Variants in MTUS2 observed in about 807,000 individuals in gnomAD.
MTUS2 encodes the protein microtubule associated scaffold protein 2.
Under a neutral mutation model 114.1 loss-of-function variants are expected in MTUS2, and 40 were observed. The ratio of observed to expected loss-of-function variants is 0.35; its 90% CI spans 0.27 to 0.46. The LOEUF (loss-of-function observed/expected upper bound fraction) is 0.46. Ranked by LOEUF, MTUS2 falls within the 20% of genes least tolerant of loss-of-function variation. The probability of loss-of-function intolerance (pLI) is 1.00; values close to 1 mark genes in which losing one functional copy is unlikely to be tolerated. For synonymous variants in MTUS2, 688 were observed against 672.0 expected (o/e 1.02, Z -0.37); for missense variants, 1,679 against 1,705.4 (o/e 0.98, Z 0.27).
intron 1 of MTUS2, among the ~76,000 whole-genome samples, chr13:28,833,765 C>T (rs1299380412): frequency 6.6e-6 from 1 of 151,932 alleles, no homozygotes; most frequent in African/African-American, 2.4e-5. Flanking sequence ...TATCTCTTTG[C>T]AGATGACATG....
At chr13:29,401,269 G>T (rs1359607995) in intron 8 of MTUS2, among the ~76,000 whole-genome samples, 1 of 152,130 alleles carries the variant, frequency 6.6e-6, no homozygotes, top group Non-Finnish European at 1.5e-5. Flanking sequence ...CTCCCAAAGT[G>T]CTGGGATTAC....
intron 7 of MTUS2, among the ~76,000 whole-genome samples, chr13:29,356,447 G>T (rs934324060): frequency 6.6e-6 from 1 of 152,190 alleles, no homozygotes; most frequent in Non-Finnish European, 1.5e-5. Flanking sequence ...TTCTGAAACA[G>T]CTGAAGCTGG....
intron 7 of MTUS2, among the ~76,000 whole-genome samples, chr13:29,346,815 G>T (rs1182687599): frequency 2.0e-5 from 3 of 147,646 alleles, no homozygotes; most frequent in Non-Finnish European, 4.4e-5. Flanking sequence ...GGCTTCCCTG[G>T]GGTCTGAGAG....
intron 9 of MTUS2, among the ~76,000 whole-genome samples, chr13:29,455,778 C>T (rs919644373): frequency 3.3e-5 from 5 of 152,184 alleles, no homozygotes; most frequent in Admixed American, 2.6e-4. Flanking sequence ...TTCAGGAGTT[C>T]GAAACCAGCC....
At chr13:28,919,807 T>A (rs1880946247) in intron 2 of MTUS2, among the ~76,000 whole-genome samples, 1 of 152,200 alleles carries the variant, frequency 6.6e-6, no homozygotes, top group Non-Finnish European at 1.5e-5. Flanking sequence ...TCGCTTGTCC[T>A]CAAGCTCACT....
At chr13:29,068,208 A>G (rs1888749271) in intron 4 of MTUS2, among the ~76,000 whole-genome samples, 1 of 152,214 alleles carries the variant, frequency 6.6e-6, no homozygotes, top group Admixed American at 6.5e-5. Context: ...GATATTTAGT[A>G]TATATCACAG....
intron 4 of MTUS2, among the ~76,000 whole-genome samples, chr13:29,042,854 T>A (rs1409435141): frequency 6.6e-6 from 1 of 152,124 alleles, no homozygotes; most frequent in Non-Finnish European, 1.5e-5. Context: ...GGATCTTCCC[T>A]CCTCTTTTCT....
intron 2 of MTUS2, among the ~76,000 whole-genome samples, chr13:29,008,931 C>T (rs1045165498): frequency 6.6e-6 from 1 of 151,214 alleles, no homozygotes; most frequent in South Asian, 2.1e-4. Context: ...TTTCTCCATT[C>T]TTCTTCTTCT....
At chr13:29,352,170 G>A (rs757193130) in intron 7 of MTUS2, among the ~76,000 whole-genome samples, 5 of 152,150 alleles carry the variant, frequency 3.3e-5, no homozygotes, top group South Asian at 2.1e-4. Context: ...TCCTAATTTG[G>A]TGAATCATGT....
rs1883109845 is a variant in MTUS2, at chr13:29,504,510, T to C, written c.*1304T>C. ...CTGGATGATCAGGCAACGCTGCTGC[T>C]GACCGTGCTCCCATCTTAGACCCAG... On this transcript the variant is annotated 3_prime_UTR_variant, in exon 16 of 16. Transcript: ENST00000612955. 4.3e-6 allele frequency: 1 copy of C among 231,766 alleles called. No homozygotes were observed. The highest frequency in any genetic ancestry group is 1.8e-4 in the South Asian group (1 of 5,472). The allele number at this position is 231,766 out of a possible 1,614,324, so 14.4% of individuals were successfully genotyped here. A position where few individuals can be genotyped will look rare whatever the true frequency, so the allele number is the denominator to read the frequency against.
chr13:28,960,943 A>G (rs573528061), intron 2 of MTUS2, among the ~76,000 whole-genome samples: 52 of 152,334 alleles, frequency 3.4e-4, no homozygotes, highest in African/African-American at 1.2e-3. Flanking sequence ...AAAGAAATGG[A>G]TGATATAAAG....
chr13:29,033,775 G>A, intron 3 of MTUS2, 110 bp from the exon 4 acceptor site: 1 of 1,346,338 alleles, frequency 7.4e-7, no homozygotes, highest in South Asian at 1.4e-5. Flanking sequence ...TGATCAAGCA[G>A]CTAAGTGGTA....
chr13:28,832,945 T>C (rs1418503994), intron 1 of MTUS2, among the ~76,000 whole-genome samples: 1 of 152,156 alleles, frequency 6.6e-6, no homozygotes, highest in East Asian at 1.9e-4. Context: ...TAAATAAATT[T>C]ATTTCAACAA....
At position 29,134,705 on chromosome 13, in the gene MTUS2, ATCCCGCCTTAGC is replaced by A. The variant is rs776672555; in HGVS notation, c.2644+33737_2644+33748del. Among the ~76,000 whole-genome samples the A allele has an allele frequency of 6.9e-4, 105 of 152,084 alleles. 1 individual carries two copies. The highest frequency in any genetic ancestry group is 1.3e-3 in the Non-Finnish European group (86 of 68,014). ...TTCCGCCTCCCGAGTTCAAGCAATT[ATCCCGCCTTAGC>A]TTCCCGAGTAGCTGGGATTACAGGC... On this transcript the variant is annotated intron_variant, in intron 5 of 15. Transcript: ENST00000612955.
intron 5 of MTUS2, among the ~76,000 whole-genome samples, chr13:29,105,286 C>T (rs1011600545): frequency 6.6e-6 from 1 of 152,088 alleles, no homozygotes; most frequent in Non-Finnish European, 1.5e-5. Context: ...TAGGCAGATG[C>T]GACTTAAAGT....
chr13:28,975,699 A>T (rs1593348801), intron 2 of MTUS2, among the ~76,000 whole-genome samples: 1 of 152,378 alleles, frequency 6.6e-6, no homozygotes, highest in Middle Eastern at 3.4e-3. Context: ...TCTTTGCCAG[A>T]AACCATGAGG....
In MTUS2 at chr13:29,324,563, A is replaced by G. The variant is rs557756013; in HGVS notation, c.2807-50A>G. 62 of 1,397,820 alleles carry G rather than the reference A, an allele frequency of 4.4e-5. No homozygotes were observed. In the East Asian group the frequency reaches 1.4e-3, roughly 33 times the overall value. 86.6% of individuals were successfully genotyped at this position (1,397,820 alleles called of 1,614,324 possible). ...TTCCACAACTTATGTTGCCATTTCA[A>G]TTTTAAGTAGCTTACTTTCTACCTA... On this transcript the variant is annotated intron_variant, in intron 6 of 15. Coordinates refer to ENST00000612955, the MANE Select transcript of MTUS2 (RefSeq NM_001033602.4).
chr13:29,335,716 G>T (rs1281095404), intron 7 of MTUS2, among the ~76,000 whole-genome samples: 4 of 152,110 alleles, frequency 2.6e-5, no homozygotes, highest in African/African-American at 9.7e-5. Context: ...TATCGGGGGC[G>T]GGTTCCCCCA....
rs113824047 is a variant in MTUS2, at chr13:28,891,792, C to T, written c.-243+51942C>T. On this transcript the variant is annotated intron_variant, in intron 2 of 15. Coordinates refer to ENST00000612955, the MANE Select transcript of MTUS2 (RefSeq NM_001033602.4). The stretch of plus-strand genomic sequence containing the variant: ...ACTCAGGAGGCTGAGGCAGGAGAGT[C>T]GCTTGAACCAGGGAGTCGGAGGTTG... Among the ~76,000 whole-genome samples the T allele has an allele frequency of 2.7e-3, 386 of 142,748 alleles. 4 individuals carry two copies. The highest frequency in any genetic ancestry group is 3.4e-3 in the Non-Finnish European group (226 of 66,524). The allele number at this position is 142,748 out of a possible 152,430, so 93.6% of individuals were successfully genotyped here.
Sources: allele counts gnomAD v4.1 joint callset (sites outside exome capture counted in the v4.1 genomes callset), GRCh38; gene constraint gnomAD v4.1.1; transcripts MANE v1.5; gene names NCBI Gene and HGNC (gene_info 2026-07-23, HGNC 2026-07-21).